Variants in MRPS25 observed in about 807,000 individuals in gnomAD.
The protein encoded by MRPS25 is small ribosomal subunit protein mS25.
A neutral mutation model predicts 17.3 loss-of-function variants in MRPS25; 15 were observed. The ratio of observed to expected loss-of-function variants is 0.87; its 90% CI spans 0.58 to 1.34. The LOEUF (loss-of-function observed/expected upper bound fraction) is 1.34, where lower values mean the gene tolerates loss of function less well. Ranked by LOEUF, MRPS25 falls within the 40% of genes most tolerant of loss-of-function variation. MRPS25 has a pLI of 0.00. For synonymous variants in MRPS25, 94 were observed against 83.3 expected (o/e 1.13, Z -0.70); for missense variants, 225 against 218.6 (o/e 1.03, Z -0.19).
intron 2 of MRPS25, among the ~76,000 whole-genome samples, chr3:15,058,249 G>A (rs1424144851): frequency 6.6e-6 from 1 of 151,932 alleles, no homozygotes; most frequent in African/African-American, 2.4e-5. Context: ...GAGTGCAGTG[G>A]CGCGATCTCG....
chr3:15,050,173 A>T lies in MRPS25; in HGVS notation c.*2268T>A. 1.6e-6 allele frequency: 2 copies of T among 1,265,968 alleles called. No homozygotes were observed. The highest frequency in any genetic ancestry group is 2.0e-6 in the Non-Finnish European group (2 of 1,008,940). 78.4% of individuals were successfully genotyped at this position (1,265,968 alleles called of 1,614,324 possible). ...CTACAGGGAACAAAAAAAGAAAATA[A>T]TGTTTATTTCCACAAATTATCTGCT... On this transcript the variant is annotated 3_prime_UTR_variant, in exon 4 of 4. Transcript: ENST00000253686.
intron 2 of MRPS25, among the ~76,000 whole-genome samples, chr3:15,055,547 G>A (rs558297097): frequency 2.5e-4 from 38 of 152,270 alleles, no homozygotes; most frequent in East Asian, 5.8e-4. Flanking sequence ...TAGCCAGTGA[G>A]TTAAGACAAA....
chr3:15,060,515 C>CAAA (rs35071871), intron 1 of MRPS25, among the ~76,000 whole-genome samples: 25 of 81,088 alleles, frequency 3.1e-4, no homozygotes, highest in African/African-American at 8.5e-4. Context: ...GGTCCTCTCT[C>CAAA]AAAAAAAAAA....
At chr3:15,043,631 A>C (rs547760184), downstream of MRPS25, 10 of 152,780 alleles carry the variant, frequency 6.5e-5, no homozygotes, top group East Asian at 1.9e-3. Flanking sequence ...GAATTCTGTG[A>C]ATGGAAACGT....
chr3:15,065,054 G>A lies in MRPS25; in HGVS notation c.134+7C>T. 22 of 1,574,270 alleles carry A rather than the reference G, an allele frequency of 1.4e-5. No homozygotes were observed. The highest frequency in any genetic ancestry group is 1.8e-5 in the Non-Finnish European group (21 of 1,164,484). On this transcript the variant is annotated splice_region_variant and intron_variant, in intron 1 of 3. Transcript: ENST00000253686. ...CGGCTCGCCAGGCGGCCGGGGCTGC[G>A]ACTGACCTGGCGCCCTCGCCCAGCT...
At chr3:15,054,336 G>C (rs527651010) in intron 2 of MRPS25, among the ~76,000 whole-genome samples, 3 of 152,142 alleles carry the variant, frequency 2.0e-5, no homozygotes. Context: ...AAAGATAATC[G>C]TTTCAACAAA....
chr3:15,053,255 T>A, intron 3 of MRPS25, 125 bp downstream of exon 3: 1 of 1,523,248 alleles, frequency 6.6e-7, no homozygotes, highest in Non-Finnish European at 8.8e-7. Context: ...CCCCAGCTCT[T>A]ATTAGTGTCT....
intron 1 of MRPS25, among the ~76,000 whole-genome samples, chr3:15,062,606 G>C (rs1301994056): frequency 2.0e-5 from 3 of 152,118 alleles, no homozygotes; most frequent in Non-Finnish European, 4.4e-5. Flanking sequence ...TGATGACAAT[G>C]GCAGTTTTGT....
At chr3:15,059,336 C>T (rs2042716572) in intron 2 of MRPS25, 33 bp downstream of exon 2, 4 of 1,425,272 alleles carry the variant, frequency 2.8e-6, no homozygotes, top group Non-Finnish European at 3.0e-6. Flanking sequence ...ATGTCTGGGA[C>T]AGCCCCTGGA....
intron 1 of MRPS25, among the ~76,000 whole-genome samples, chr3:15,064,830 TG>T (rs2042831646): frequency 6.6e-6 from 1 of 151,768 alleles, no homozygotes; most frequent in South Asian, 2.1e-4. Flanking sequence ...GATCCAGGAG[TG>T]GGGTTCTTGT....
At chr3:15,055,061 G>A (rs2042652949) in intron 2 of MRPS25, among the ~76,000 whole-genome samples, 1 of 152,306 alleles carries the variant, frequency 6.6e-6, no homozygotes, top group East Asian at 1.9e-4. Flanking sequence ...GGAGCAAGGA[G>A]TCTCACATGG....
Position 15,051,760 on chromosome 3 carries a change from T to A in MRPS25, c.*681A>T. On this transcript the variant is annotated 3_prime_UTR_variant, in exon 4 of 4. Coordinates refer to ENST00000253686, the MANE Select transcript of MRPS25 (RefSeq NM_022497.5). ...TTCCTCCATGGCCTACAAACCTCCC[T>A]GCTAATGCACACAGTGGCTGGGCCA... 1.0e-6 allele frequency: 1 copy of A among 985,566 alleles called. No individual in the cohort carries two copies. The highest frequency in any genetic ancestry group is 1.2e-6 in the Non-Finnish European group (1 of 830,032). 61.1% of individuals were successfully genotyped at this position (985,566 alleles called of 1,614,324 possible).
At chr3:15,042,915 C>A (rs143937107), downstream of MRPS25, 1 of 1,614,168 alleles carries the variant, frequency 6.2e-7, no homozygotes, top group Non-Finnish European at 8.5e-7. Flanking sequence ...TTACTGGTCT[C>A]ATTGGCAATG....
Position 15,051,208 on chromosome 3 carries a change from C to A in MRPS25, c.*1233G>T. 1 of 979,140 alleles carries A rather than the reference C, an allele frequency of 1.0e-6. No homozygotes were observed. Among genetic ancestry groups the A allele is most frequent in the Non-Finnish European group, 1.2e-6 (1 of 824,268 alleles). The allele number at this position is 979,140 out of a possible 1,614,324, so 60.7% of individuals were successfully genotyped here. On this transcript the variant is annotated 3_prime_UTR_variant, in exon 4 of 4. Transcript: ENST00000253686. Reference sequence around the variant, plus strand: ...ATTTAAAAAATTTTTTTTCTTGAGACAGTCTTGCTCTGTGGCCCAGGCTGG... The same window carrying A: ...ATTTAAAAAATTTTTTTTCTTGAGAAAGTCTTGCTCTGTGGCCCAGGCTGG...
chr3:15,053,891 G>A (rs909619902), intron 2 of MRPS25, among the ~76,000 whole-genome samples: 7 of 152,112 alleles, frequency 4.6e-5, no homozygotes, highest in Admixed American at 3.9e-4. Context: ...CGAGAAAATG[G>A]GAGAACGTTT....
chr3:15,057,822 T>G (rs565593821), intron 2 of MRPS25, among the ~76,000 whole-genome samples: 2 of 152,354 alleles, frequency 1.3e-5, no homozygotes, highest in Non-Finnish European at 2.9e-5. Context: ...AAAGCTCACA[T>G]GCACAAACTG....
At chr3:15,061,744 C>G (rs1237633398) in intron 1 of MRPS25, among the ~76,000 whole-genome samples, 1 of 151,628 alleles carries the variant, frequency 6.6e-6, no homozygotes, top group African/African-American at 2.4e-5. Context: ...CGTCTCTGCC[C>G]GGCCGCCCAT....
At chr3:15,058,410 C>T (rs376887221) in intron 2 of MRPS25, among the ~76,000 whole-genome samples, 140 of 152,190 alleles carry the variant, frequency 9.2e-4, no homozygotes, top group African/African-American at 3.2e-3. Flanking sequence ...AGGATGGACT[C>T]GATCTCCTGA....
At chr3:15,062,033 C>G (rs1246912931) in intron 1 of MRPS25, among the ~76,000 whole-genome samples, 1 of 149,592 alleles carries the variant, frequency 6.7e-6, no homozygotes, top group Non-Finnish European at 1.5e-5. Flanking sequence ...CCGCCCCGTC[C>G]GGGAGGGAGT....
Sources: allele counts gnomAD v4.1 joint callset (sites outside exome capture counted in the v4.1 genomes callset), GRCh38; gene constraint gnomAD v4.1.1; transcripts MANE v1.5; gene names NCBI Gene and HGNC (gene_info 2026-07-23, HGNC 2026-07-21).